PGAP6: variants seen among roughly 807,000 people sequenced by gnomAD.
The protein encoded by PGAP6 is post-GPI attachment to proteins factor 6.
A neutral mutation model predicts 68.4 loss-of-function variants in PGAP6; 62 were observed. The ratio of observed to expected loss-of-function variants is 0.91; its 90% CI spans 0.74 to 1.12. The LOEUF (loss-of-function observed/expected upper bound fraction) is 1.12. Among genes scored for constraint, PGAP6 ranks in the 50% most tolerant of loss-of-function variants. The pLI is 0.00. For synonymous variants in PGAP6, 575 were observed against 474.0 expected (o/e 1.21, Z -2.77); for missense variants, 1,188 against 1,068.5 (o/e 1.11, Z -1.56).
chr16:380,849 T>G (rs1176915706), intron 1 of PGAP6, among the ~76,000 whole-genome samples: 4 of 152,136 alleles, frequency 2.6e-5, no homozygotes, highest in South Asian at 4.2e-4. Context: ...CCGCATCAGC[T>G]GCCGGGCACC....
In PGAP6 at chr16:371,708, G is replaced by C. The variant is rs1289086612; in HGVS notation, c.*279C>G. 4.5e-6 allele frequency: 2 copies of C among 447,756 alleles called. No individual in the cohort carries two copies. Among genetic ancestry groups the C allele is most frequent in the Non-Finnish European group, 4.1e-6 (1 of 243,634 alleles). 27.7% of individuals were successfully genotyped at this position (447,756 alleles called of 1,614,324 possible). ...AGCACACAGCCCCACCCTCGCACAG[G>C]CACCTGTGGTCTCCAAGTAACCAAG... On this transcript the variant is annotated 3_prime_UTR_variant, in exon 13 of 13. Coordinates refer to ENST00000431232, the MANE Select transcript of PGAP6 (RefSeq NM_021259.3).
At chr16:385,613 C>A (rs1434956258), upstream of PGAP6, among the ~76,000 whole-genome samples, 3 of 138,696 alleles carry the variant, frequency 2.2e-5, 1 homozygote, top group African/African-American at 5.6e-5. Context: ...GCCCGGCCTA[C>A]TCTGATTTTT....
chr16:372,320 G>A, intron 12 of PGAP6, 37 bp from the exon 13 acceptor site: 2 of 1,576,708 alleles, frequency 1.3e-6, no homozygotes, highest in South Asian at 1.1e-5. Context: ...AGTGCAGGTG[G>A]GGCCGCGGCT....
chr16:374,100 A>G lies in PGAP6; in HGVS notation c.1807T>C (p.Tyr603His). 1 of 1,611,920 alleles carries G rather than the reference A, an allele frequency of 6.2e-7. No individual in the cohort carries two copies. Residue 603 changes from tyrosine to histidine, a missense_variant, in exon 11 of 13, where the codon TAC (tyrosine) becomes CAC (histidine). Coordinates refer to ENST00000431232, the MANE Select transcript of PGAP6 (RefSeq NM_021259.3). Reference protein sequence around the residue: ...PGEAVLCILSYDTLQYCDFLG... With the variant: ...PGEAVLCILSHDTLQYCDFLG... ...AAGTCGCAGTACTGCAGCGTGTCGTAGCTGAGGATGCACAGCACCGCCTCC... is the reference window on the plus strand; with the variant it reads ...AAGTCGCAGTACTGCAGCGTGTCGTGGCTGAGGATGCACAGCACCGCCTCC...
rs1279403910 is a variant in PGAP6, at chr16:372,033, T to C, written c.2270A>G (p.Tyr757Cys). The C allele has an allele frequency of 6.2e-7, 1 of 1,612,652 alleles. No homozygotes were observed. The highest frequency in any genetic ancestry group is 1.1e-5 in the South Asian group (1 of 91,044). Residue 757 changes from tyrosine to cysteine, a missense_variant, in exon 13 of 13, where the codon TAT becomes TGT. By Grantham distance (194) the Tyr-to-Cys change is radical (BLOSUM62 -2). Transcript: ENST00000431232. ...CTCCCGATCGTTCTTGCAGATCTGA[T>C]AGTGGCAGGGGAATTTCTGCGAGCA... ...WACSQKFPCHYQICKNDREEL... is the reference protein window; with the variant it reads ...WACSQKFPCHCQICKNDREEL...
chr16:374,126 C>A lies in PGAP6; in HGVS notation c.1781G>T (p.Gly594Val). The A allele has an allele frequency of 6.2e-7, 1 of 1,611,262 alleles. No individual in the cohort carries two copies. The change falls in exon 11 of 13, where the codon GGG (glycine) becomes GTG (valine). Residue 594 changes from glycine (G) to valine (V), a missense_variant. Coordinates refer to ENST00000431232, the MANE Select transcript of PGAP6 (RefSeq NM_021259.3). ...STFYHACDQP[G>V]EAVLCILSYD... ...GCTGAGGATGCACAGCACCGCCTCC[C>A]CGGGCTGGTCGCAGGCGTGGTAGAA...
upstream of PGAP6, chr16:386,725 C>CAAAA: frequency 1.4e-5 from 4 of 283,146 alleles, no homozygotes; most frequent in East Asian, 8.6e-5. Flanking sequence ...AAAAAAAAAA[C>CAAAA]CAAAAAAAAA....
intron 11 of PGAP6, 126 bp downstream of exon 11, chr16:373,879 G>A (rs1441623426): frequency 9.8e-6 from 12 of 1,224,006 alleles, no homozygotes; most frequent in Middle Eastern, 5.3e-4. Flanking sequence ...GCTCGGCCGA[G>A]ATGTGAGGTT....
At position 372,668 on chromosome 16, in the gene PGAP6, G is replaced by A. The variant is rs2054345634; in HGVS notation, c.1962C>T (p.Gly654=). The A allele has an allele frequency of 6.2e-7, 1 of 1,612,390 alleles. No homozygotes were observed. Among genetic ancestry groups the A allele is most frequent in the African/African-American group, 1.3e-5 (1 of 74,916 alleles). ...IAMSLQLDRR[G]MWNMLGPCLF... The stretch of plus-strand genomic sequence containing the variant: ...GGCAGGGCCCCAGCATGTTCCACAT[G>A]CCCCTGCGGTCCAGCTGCAAGGACA... Residue 654 remains glycine (G), a synonymous_variant, in exon 12 of 13, where the codon GGC becomes GGT. Transcript: ENST00000431232.
At chr16:374,421 G>A in intron 9 of PGAP6, 22 bp from the exon 10 acceptor site, 1 of 1,539,830 alleles carries the variant, frequency 6.5e-7, no homozygotes, top group Non-Finnish European at 8.7e-7. Flanking sequence ...AAACCCCGAC[G>A]CGGAGGCTGG....
Position 376,742 on chromosome 16 carries a change from C to T in PGAP6, c.706G>A (p.Gly236Ser). The change falls in exon 5 of 13, where the codon GGC (glycine) becomes AGC (serine). Residue 236 changes from glycine (G) to serine (S), a missense_variant. By Grantham distance (56) the Gly-to-Ser change is moderately conservative. Transcript: ENST00000431232. ...CCCACGGTGAGACGCACGGGGCAGC[C>T]CAGGCTCCCATTGGACACGCAGTCC... The part of the protein sequence containing the change: ...LRDCVSNGSL[G>S]CPVRLTVGPV... 1.2e-6 allele frequency: 2 copies of T among 1,611,556 alleles called. No homozygotes were observed. The highest frequency in any genetic ancestry group is 1.8e-4 in the Middle Eastern group (1 of 5,516).
At chr16:386,869 TA>T, upstream of PGAP6, 5 of 665,546 alleles carry the variant, frequency 7.5e-6, no homozygotes, top group Non-Finnish European at 8.2e-6. Context: ...CACAGCCACA[TA>T]AAAAAGAAGA....
At chr16:382,520 G>C, upstream of PGAP6, 2 of 351,936 alleles carry the variant, frequency 5.7e-6, no homozygotes, top group Non-Finnish European at 1.0e-5. Flanking sequence ...CGAGAAGGCT[G>C]CTTGTGTTTA....
Position 375,342 on chromosome 16 carries a change from T to C in PGAP6, c.1315+3A>G. 6.2e-7 allele frequency: 1 copy of C among 1,612,856 alleles called. No homozygotes were observed. The highest frequency in any genetic ancestry group is 8.5e-7 in the Non-Finnish European group (1 of 1,179,930). ...CGCTGACGGTGACGCCTGCCCATCATACCTGTGGTGCAGTTGAGCGAAGTA... is the reference window on the plus strand; with the variant it reads ...CGCTGACGGTGACGCCTGCCCATCACACCTGTGGTGCAGTTGAGCGAAGTA... On this transcript the variant is annotated splice_donor_region_variant and intron_variant, in intron 7 of 12. Transcript: ENST00000431232.
chr16:372,631 C>T lies in PGAP6; in HGVS notation c.1999G>A (p.Val667Met), dbSNP rs780011039. The change falls in exon 12 of 13, where the codon GTG (valine) becomes ATG (methionine). Residue 667 changes from valine to methionine, a missense_variant. By Grantham distance (21) the Val-to-Met change is conservative (BLOSUM62 1). Transcript: ENST00000431232. ...CTTACCCACATGGAGGCCATGATCA[C>T]GAAGGCAAAGAGGCAGGGCCCCAGC... ...NMLGPCLFAF[V>M]IMASMWAYRC... 12 of 1,611,974 alleles carry T rather than the reference C, an allele frequency of 7.4e-6. No individual in the cohort carries two copies. The African/African-American group carries it at 1.1e-4, about 14-fold the overall frequency.
upstream of PGAP6, among the ~76,000 whole-genome samples, chr16:385,772 CTG>C (rs1448994026): frequency 1.3e-3 from 204 of 151,578 alleles, no homozygotes; most frequent in Non-Finnish European, 2.2e-3. Flanking sequence ...CTACAGGCGC[CTG>C]CCAACACACC....
chr16:371,859 T>A lies in PGAP6; in HGVS notation c.*128A>T, dbSNP rs766860310. The stretch of plus-strand genomic sequence containing the variant: ...TGGCCCTCTCCTCAGTAGGAGGAAG[T>A]AAGAGGGTATCTAGGCCAATTTATT... On this transcript the variant is annotated 3_prime_UTR_variant, in exon 13 of 13. Transcript: ENST00000431232. 4.3e-5 allele frequency: 44 copies of A among 1,016,246 alleles called. No homozygotes were observed. The highest frequency in any genetic ancestry group is 5.8e-5 in the Non-Finnish European group (41 of 702,182). The allele number at this position is 1,016,246 out of a possible 1,614,324, so 63.0% of individuals were successfully genotyped here.
chr16:374,641 C>T, intron 9 of PGAP6, 115 bp downstream of exon 9: 3 of 1,426,944 alleles, frequency 2.1e-6, no homozygotes, highest in African/African-American at 1.4e-5. Context: ...CCCTGCATTG[C>T]TCTGCAAGGG....
At chr16:378,235 G>GCCACCCACACTGCCATCC (rs2054405762) in intron 1 of PGAP6, among the ~76,000 whole-genome samples, 2 of 22,926 alleles carry the variant, frequency 8.7e-5, no homozygotes, top group Non-Finnish European at 1.9e-4. Flanking sequence ...GACTGCCATC[G>GCCACCCACACTGCCATCC]CCACCCGCAC....
Sources: allele counts gnomAD v4.1 joint callset (sites outside exome capture counted in the v4.1 genomes callset), GRCh38; gene constraint gnomAD v4.1.1; transcripts MANE v1.5; gene names NCBI Gene and HGNC (gene_info 2026-07-23, HGNC 2026-07-21).